The following ANKRD13C variants were observed in gnomAD, a reference collection of about 807,000 sequenced individuals.
ANKRD13C encodes ankyrin repeat domain 13C.
ANKRD13C carries 16 observed loss-of-function variants against 65.5 expected under a neutral mutation model. The ratio of observed to expected loss-of-function variants is 0.24; its 90% CI spans 0.17 to 0.37. The LOEUF (loss-of-function observed/expected upper bound fraction) is 0.37. Ranked by LOEUF, ANKRD13C falls within the 10% of genes least tolerant of loss-of-function variation. The pLI is 1.00. For missense variants in ANKRD13C, 503 were observed against 655.9 expected, an observed-to-expected ratio of 0.77 and a Z score of 2.55; for synonymous variants, 235 against 238.7, an observed-to-expected ratio of 0.98 and a Z score of 0.14.
At chr1:70,280,048 T>C (rs1057387708) in intron 9 of ANKRD13C, among the ~76,000 whole-genome samples, 2 of 152,136 alleles carry the variant, frequency 1.3e-5, no homozygotes, top group Admixed American at 6.6e-5. Context: ...ATTTTGTTGG[T>C]TAGAAGTCAT....
intron 12 of ANKRD13C, among the ~76,000 whole-genome samples, chr1:70,263,777 C>T (rs1209675374): frequency 6.6e-6 from 1 of 151,718 alleles, no homozygotes; most frequent in Non-Finnish European, 1.5e-5. Flanking sequence ...ATAGGGAGAC[C>T]CTGTCTCTAT....
chr1:70,268,707 T>C (rs1678741847), intron 12 of ANKRD13C, among the ~76,000 whole-genome samples: 1 of 151,952 alleles, frequency 6.6e-6, no homozygotes, highest in African/African-American at 2.4e-5. Flanking sequence ...GAGAAAGTGG[T>C]GGGGGAGGAT....
rs1680943931 is a variant in ANKRD13C at position 70,313,648 on chromosome 1, T to G, written c.709+97A>C. On this transcript the variant is annotated intron_variant, in intron 5 of 12. Coordinates refer to ENST00000370944, the MANE Select transcript of ANKRD13C (RefSeq NM_030816.5). Reference sequence around the variant, plus strand: ...AAATACTTTTCCTCACAGCAAGTATTAAATTTGTTATCCTAACATTTCTAT... The same window carrying G: ...AAATACTTTTCCTCACAGCAAGTATGAAATTTGTTATCCTAACATTTCTAT... 7 of 909,814 alleles carry G rather than the reference T, an allele frequency of 7.7e-6. No individual in the cohort carries two copies. In the South Asian group the frequency reaches 1.0e-4, roughly 13 times the overall value. 56.4% of individuals were successfully genotyped at this position (909,814 alleles called of 1,614,324 possible).
At chr1:70,315,932 T>C (rs1244013349) in intron 3 of ANKRD13C, among the ~76,000 whole-genome samples, 1 of 152,182 alleles carries the variant, frequency 6.6e-6, no homozygotes, top group Non-Finnish European at 1.5e-5. Context: ...ACACTAGCTT[T>C]TACTAGTTTT....
chr1:70,290,134 TAAA>T (rs370342323), intron 9 of ANKRD13C, among the ~76,000 whole-genome samples: 9,652 of 152,278 alleles, frequency 0.063, 399 homozygotes, highest in South Asian at 0.21. Flanking sequence ...AGGATCACAC[TAAA>T]GTGGCATGAT....
At chr1:70,326,367 A>G (rs934012970) in intron 2 of ANKRD13C, among the ~76,000 whole-genome samples, 1 of 151,842 alleles carries the variant, frequency 6.6e-6, no homozygotes, top group Non-Finnish European at 1.5e-5. Flanking sequence ...AGGTATTGCT[A>G]TCGAAGAGCA....
chr1:70,307,063 G>A (rs140090566), intron 5 of ANKRD13C, among the ~76,000 whole-genome samples: 1 of 152,230 alleles, frequency 6.6e-6, no homozygotes, highest in African/African-American at 2.4e-5. Context: ...GTGTACATAA[G>A]TGTGTGTGTA....
rs1206221538 is a variant in ANKRD13C, at chr1:70,300,758, G to A, written c.921+6C>T. On this transcript the variant is annotated splice_donor_region_variant and intron_variant, in intron 7 of 12. Coordinates refer to ENST00000370944, the MANE Select transcript of ANKRD13C (RefSeq NM_030816.5). ...TAAAGGAATATTGATAAGACAACATGCTCACCTCATGATGTATTCGCTGAT... is the reference window on the plus strand; with the variant it reads ...TAAAGGAATATTGATAAGACAACATACTCACCTCATGATGTATTCGCTGAT... 3 of 1,587,870 alleles carry A rather than the reference G, an allele frequency of 1.9e-6. No individual in the cohort carries two copies. The highest frequency in any genetic ancestry group is 2.3e-5 in the East Asian group (1 of 44,342).
chr1:70,324,281 T>C (rs1020729842), intron 3 of ANKRD13C, among the ~76,000 whole-genome samples: 4 of 152,156 alleles, frequency 2.6e-5, no homozygotes, highest in African/African-American at 9.7e-5. Flanking sequence ...GAGATATACT[T>C]GACAAAAATA....
At chr1:70,314,325 TCTC>T (rs780001505) in intron 4 of ANKRD13C, among the ~76,000 whole-genome samples, 1 of 151,588 alleles carries the variant, frequency 6.6e-6, no homozygotes, top group Non-Finnish European at 1.5e-5. Flanking sequence ...TTCAAGCAAT[TCTC>T]CTATCCCAGC....
chr1:70,338,796 A>G (rs1483603381), intron 1 of ANKRD13C, among the ~76,000 whole-genome samples: 1 of 152,218 alleles, frequency 6.6e-6, no homozygotes, highest in Non-Finnish European at 1.5e-5. Context: ...TCTTCAGCAT[A>G]ATACAAGGTT....
intron 9 of ANKRD13C, among the ~76,000 whole-genome samples, chr1:70,289,305 C>T (rs1310009873): frequency 6.6e-6 from 1 of 152,150 alleles, no homozygotes; most frequent in African/African-American, 2.4e-5. Context: ...TATTCAAATA[C>T]ATCCGGTTAC....
At chr1:70,335,202 C>T (rs765548111) in intron 2 of ANKRD13C, among the ~76,000 whole-genome samples, 5 of 151,958 alleles carry the variant, frequency 3.3e-5, no homozygotes, top group African/African-American at 2.4e-5. Context: ...GTCAGGAGAT[C>T]GAGACCAGAC....
At chr1:70,347,197 AT>A (rs1682570710) in intron 1 of ANKRD13C, among the ~76,000 whole-genome samples, 1 of 150,600 alleles carries the variant, frequency 6.6e-6, no homozygotes, top group African/African-American at 2.4e-5. Context: ...CCTTTTTCCT[AT>A]CCCTATTTTA....
chr1:70,290,611 A>G (rs2101244726), intron 9 of ANKRD13C, among the ~76,000 whole-genome samples: 1 of 151,458 alleles, frequency 6.6e-6, no homozygotes, highest in African/African-American at 2.4e-5. Context: ...GCATGATTAT[A>G]GCTCATTGTA....
intron 9 of ANKRD13C, among the ~76,000 whole-genome samples, chr1:70,287,366 G>A (rs1282924111): frequency 6.6e-6 from 1 of 151,126 alleles, no homozygotes; most frequent in Non-Finnish European, 1.5e-5. Context: ...AAATGATACT[G>A]GAGCAACTGG....
At chr1:70,288,457 CTTAA>C (rs1480339795) in intron 9 of ANKRD13C, among the ~76,000 whole-genome samples, 1 of 152,084 alleles carries the variant, frequency 6.6e-6, no homozygotes, top group Non-Finnish European at 1.5e-5. Context: ...TTTTTTGCAG[CTTAA>C]TTCATTATGG....
At chr1:70,339,292 G>A (rs1419684471) in intron 1 of ANKRD13C, among the ~76,000 whole-genome samples, 2 of 147,448 alleles carry the variant, frequency 1.4e-5, no homozygotes, top group African/African-American at 4.9e-5. Flanking sequence ...CAAAACCAAA[G>A]ATTTACTTTG....
rs543309772 is a variant in ANKRD13C, at chr1:70,260,046, T to C, written c.*2671A>G. The stretch of plus-strand genomic sequence containing the variant: ...CCCCCAGTGTGTGAATAATAAACTG[T>C]ATGTGAATACTACTATAAAAACCCA... On this transcript the variant is annotated 3_prime_UTR_variant, in exon 13 of 13. Transcript: ENST00000370944. 1.3e-5 allele frequency among the ~76,000 whole-genome samples: 2 copies of C among 152,248 alleles called. No homozygotes were observed. Among genetic ancestry groups the C allele is most frequent in the Non-Finnish European group, 1.5e-5 (1 of 68,004 alleles).
Sources: gnomAD v4.1 joint callset for allele counts (sites outside exome capture counted in the v4.1 genomes callset) on GRCh38, gnomAD v4.1.1 for gene constraint, MANE v1.5 for transcripts, NCBI Gene and HGNC (gene_info 2026-07-23, HGNC 2026-07-21) for gene names.